MYL5: variants seen among roughly 807,000 people sequenced by gnomAD.
The protein encoded by MYL5 is myosin light chain 5.
In MYL5, 28 loss-of-function variants were observed where a neutral mutation model predicts 20.8. The ratio of observed to expected loss-of-function variants is 1.35; its 90% CI spans 1.00 to 1.84. The LOEUF (loss-of-function observed/expected upper bound fraction) is 1.84, where lower values mean the gene tolerates loss of function less well. Among genes scored for constraint, MYL5 ranks in the 40% most tolerant of loss-of-function variants. The probability of loss-of-function intolerance (pLI) is 0.00; values close to 1 mark genes in which losing one functional copy is unlikely to be tolerated. For missense variants in MYL5, 274 were observed against 227.3 expected, an observed-to-expected ratio of 1.21 and a Z score of -1.32; for synonymous variants, 118 against 87.4, an observed-to-expected ratio of 1.35 and a Z score of -1.95.
rs59434534 is a variant in MYL5 at position 680,597 on chromosome 4, C to CGG, written c.371+12_371+13dup. 10,329 of 1,612,638 alleles carry CGG rather than the reference C, an allele frequency of 6.4e-3. 570 individuals are homozygous for CGG. In the African/African-American group the frequency reaches 0.12, roughly 19 times the overall value. ...AAATCAACAAGGAGTAGTGAGTGCC[C>CGG]GGGCGGCCAGGGCGGCCCGGCTTCC... On this transcript the variant is annotated intron_variant, in intron 5 of 6. Coordinates refer to ENST00000400159, the Ensembl canonical transcript of MYL5.
chr4:681,803 G>C (rs1269283674), intron 6 of MYL5, 90 bp from the exon 9 acceptor site: 3 of 1,242,198 alleles, frequency 2.4e-6, no homozygotes, highest in South Asian at 4.0e-5. Context: ...CCCCTCCCGC[G>C]GCGCAGAAAC....
At position 678,688 on chromosome 4, in the gene MYL5, G is replaced by A. The variant is rs375637730; in HGVS notation, c.34G>A (p.Gly12Ser). The change falls in exon 2 of 7, where the codon GGT becomes AGT. Residue 12 changes from glycine to serine, a missense_variant. Transcript: ENST00000400159. ...CAGGAAGACCAAGAAGAAGGAAGGG[G>A]GTGCCCTCCGGGCCCAGAGAGCCTC... The A allele has an allele frequency of 6.2e-6, 10 of 1,611,142 alleles. No individual in the cohort carries two copies. In the East Asian group the frequency reaches 6.7e-5, roughly 11 times the overall value.
At chr4:674,972 A>G (rs1283342337), upstream of MYL5, 1 of 152,426 alleles carries the variant, frequency 6.6e-6, no homozygotes, top group Non-Finnish European at 1.5e-5. Context: ...ATGCCCCATC[A>G]CTTCTGTCCC....
At chr4:680,122 C>T (rs910417385) in intron 4 of MYL5, 104 bp downstream of exon 6, 54 of 1,148,344 alleles carry the variant, frequency 4.7e-5, no homozygotes, top group Non-Finnish European at 6.3e-5. Flanking sequence ...CTGGAGAAGC[C>T]CTAGGGCCTG....
At position 681,081 on chromosome 4, in the gene MYL5, C is replaced by T. The variant is rs773017484; in HGVS notation, c.372-11C>T. The T allele has an allele frequency of 2.5e-6, 4 of 1,596,502 alleles. No individual in the cohort carries two copies. The highest frequency in any genetic ancestry group is 3.3e-4 in the Middle Eastern group (2 of 6,040). On this transcript the variant is annotated splice_polypyrimidine_tract_variant and intron_variant, in intron 5 of 6. Transcript: ENST00000400159. ...GCATCAGCCCGCGCTGACCCCTTTC[C>T]TCGTCCTCAGCATCAAGCGTCTGCT...
intron 4 of MYL5, 79 bp downstream of exon 6, chr4:680,097 T>G (rs928473518): frequency 7.5e-7 from 1 of 1,340,972 alleles, no homozygotes; most frequent in Non-Finnish European, 1.0e-6. Flanking sequence ...CGTAAAAATC[T>G]CTCTTTTCCA....
chr4:679,042 C>A lies in MYL5; in HGVS notation c.187+9C>A. The A allele has an allele frequency of 6.2e-7, 1 of 1,612,564 alleles. No individual in the cohort carries two copies. The highest frequency in any genetic ancestry group is 1.1e-5 in the South Asian group (1 of 91,072). On this transcript the variant is annotated intron_variant, in intron 3 of 6. Coordinates refer to ENST00000400159, the Ensembl canonical transcript of MYL5. ...CACCTATGCCTCCCTGGGTAGGTAC[C>A]CAGGCAGAACGCCTCAGAGCCCTTG...
intron 5 of MYL5, 109 bp from the exon 8 acceptor site, chr4:680,983 G>A (rs1054889649): frequency 8.2e-7 from 1 of 1,225,984 alleles, no homozygotes; most frequent in Non-Finnish European, 1.2e-6. Context: ...GGGAAGGGCG[G>A]GAGTGCAGTG....
At chr4:679,338 C>T (rs774727336) in intron 3 of MYL5, among the ~76,000 whole-genome samples, 106 of 113,534 alleles carry the variant, frequency 9.3e-4, no homozygotes, top group Non-Finnish European at 1.5e-3. Context: ...GGCAGGCAGG[C>T]GGCTTGCCCC....
chr4:681,981 A>C, exon 7 of MYL5: 1 of 1,401,754 alleles, frequency 7.1e-7, no homozygotes, highest in Non-Finnish European at 9.4e-7. Context: ...CACGGGGAGG[A>C]GAAGGAGGAG....
At chr4:681,846 A>C (rs747369548) in intron 6 of MYL5, 47 bp from the exon 9 acceptor site, 1 of 1,298,430 alleles carries the variant, frequency 7.7e-7, no homozygotes, top group South Asian at 3.2e-5. Context: ...GCGCGCTTGT[A>C]ATTCGCTCCC....
At chr4:681,685 GCCCCCTCCAGCGCCGCC>G (rs1739635438) in intron 6 of MYL5, 191 bp from the exon 9 acceptor site, 4 of 14,842 alleles carry the variant, frequency 2.7e-4, no homozygotes, top group East Asian at 1.9e-3. Context: ...GCGCCGCCCC[GCCCCCTCCAGCGCCGCC>G]CCGCCCCCTC....
chr4:678,105 A>G, intron 1 of MYL5, 76 bp downstream of exon 3: 5 of 1,585,704 alleles, frequency 3.2e-6, no homozygotes, highest in South Asian at 1.1e-5. Context: ...ATGCGCACAG[A>G]CGAGCGTGGG....
chr4:677,859 G>A (rs1739002276), upstream of MYL5: 2 of 1,148,360 alleles, frequency 1.7e-6, no homozygotes, highest in East Asian at 2.4e-5. Flanking sequence ...TCACTGCCAG[G>A]CTGCCAAAGC....
intron 2 of MYL5, 69 bp downstream of exon 4, chr4:678,834 C>T (rs1458070420): frequency 1.2e-6 from 2 of 1,607,126 alleles, no homozygotes; most frequent in East Asian, 2.2e-5. Flanking sequence ...CCCATGTGGG[C>T]TGGCTCCAGG....
chr4:680,937 G>C (rs1739411919), intron 5 of MYL5, 155 bp from the exon 8 acceptor site: 1 of 837,658 alleles, frequency 1.2e-6, no homozygotes. Context: ...CTGAGTGTGT[G>C]TTGGGAAGGG....
At chr4:681,191 C>T (rs1317882801) in intron 6 of MYL5, 51 bp downstream of exon 8, 1 of 1,571,576 alleles carries the variant, frequency 6.4e-7, no homozygotes, top group African/African-American at 1.3e-5. Flanking sequence ...GCGGGGCTCC[C>T]GGGGTCAGCT....
intron 3 of MYL5, among the ~76,000 whole-genome samples, chr4:679,607 G>A (rs537573164): frequency 4.4e-4 from 67 of 152,258 alleles, no homozygotes; most frequent in African/African-American, 1.5e-3. Flanking sequence ...TGGGAGGGTC[G>A]CAAGTGACCC....
rs780463662 is a variant in MYL5, at chr4:677,987, G to A, written c.-40G>A. The A allele has an allele frequency of 2.5e-6, 4 of 1,613,238 alleles. No individual in the cohort carries two copies. Among genetic ancestry groups the A allele is most frequent in the East Asian group, 4.5e-5 (2 of 44,890 alleles). On this transcript the variant is annotated 5_prime_UTR_variant, in exon 1 of 7. It introduces an in-frame stop codon into an upstream open reading frame of the 5' UTR. Coordinates refer to ENST00000400159, the Ensembl canonical transcript of MYL5. ...CAGGAGCTTAAGATGGGCAAGACCT[G>A]GGGCCCTGGGCAGACGCATCAAAGC...
Sources: allele counts gnomAD v4.1 joint callset (sites outside exome capture counted in the v4.1 genomes callset), GRCh38; gene constraint gnomAD v4.1.1; transcripts MANE v1.5; gene names NCBI Gene and HGNC (gene_info 2026-07-23, HGNC 2026-07-21).